KCNQ2: variants seen among roughly 807,000 people sequenced by gnomAD.
The protein encoded by KCNQ2 is potassium voltage-gated channel subfamily Q member 2.
In KCNQ2, 14 loss-of-function variants were observed where a neutral mutation model predicts 84.8. The observed-to-expected ratio is 0.17, with a 90% CI of 0.11 to 0.26. KCNQ2 has a LOEUF of 0.26. Ranked by LOEUF, KCNQ2 falls within the 10% of genes least tolerant of loss-of-function variation. The pLI, the probability that KCNQ2 is intolerant of heterozygous loss-of-function variation, is 1.00. For synonymous variants in KCNQ2, 599 were observed against 554.1 expected, an observed-to-expected ratio of 1.08 and a Z score of -1.14; for missense variants, 788 against 1,254.0, an observed-to-expected ratio of 0.63 and a Z score of 5.61.
At chr20:63,424,480 C>A in intron 10 of KCNQ2, 1 of 546,148 alleles carries the variant, frequency 1.8e-6, no homozygotes, top group Admixed American at 3.2e-5. Flanking sequence ...GTCTCTACCC[C>A]TCCACATTTA....
rs1227313850 is a variant in KCNQ2 at position 63,460,520 on chromosome 20, G to A, written c.296+11648C>T. Among the ~76,000 whole-genome samples the A allele has an allele frequency of 2.0e-5, 3 of 147,544 alleles. No individual in the cohort carries two copies. The highest frequency in any genetic ancestry group is 3.0e-5 in the Non-Finnish European group (2 of 67,358). On this transcript the variant is annotated intron_variant, in intron 1 of 16. Transcript: ENST00000359125. This position sits in a 1 kb window ranked among gnomAD's most constrained non-coding sequence, Gnocchi z 5.4. The stretch of plus-strand genomic sequence containing the variant: ...AGGCCAGTGCCCTCAGCTGGTCCAC[G>A]GCTCACAGCTCCAGTCCCTGGCCCC...
Position 63,438,904 on chromosome 20 carries a change from A to G in KCNQ2, c.928-184T>C, listed in dbSNP as rs2081081358. 6.8e-6 allele frequency among the ~76,000 whole-genome samples: 1 copy of G among 146,446 alleles called. No homozygotes were observed. Among genetic ancestry groups the G allele is most frequent in the African/African-American group, 2.5e-5 (1 of 39,252 alleles). ...CGCCCCAGGGACTCACACACCCCCC[A>G]GTTCATCAGGGTCAGACCCGTCTCC... On this transcript the variant is annotated intron_variant, in intron 6 of 16. Coordinates refer to ENST00000359125, the MANE Select transcript of KCNQ2 (RefSeq NM_172107.4). The surrounding 1 kb of genome is among the most constrained non-coding windows in gnomAD (Gnocchi z 5.1).
Position 63,414,034 on chromosome 20 carries a change from G to C in KCNQ2, c.1631+54C>G. 7.5e-7 allele frequency: 1 copy of C among 1,338,036 alleles called. No individual in the cohort carries two copies. 82.9% of individuals were successfully genotyped at this position (1,338,036 alleles called of 1,614,324 possible). A position where few individuals can be genotyped will look rare whatever the true frequency, so the allele number is the denominator to read the frequency against. On this transcript the variant is annotated intron_variant, in intron 14 of 16. Coordinates refer to ENST00000359125, the MANE Select transcript of KCNQ2 (RefSeq NM_172107.4). This position sits in a 1 kb window ranked among gnomAD's most constrained non-coding sequence, Gnocchi z 6.6. Reference sequence around the variant, plus strand: ...AGCACCGGCAGCAGGCAGGACCACCGAGCGGGAGGCCCCTCCTCACTCCCC... The same window carrying C: ...AGCACCGGCAGCAGGCAGGACCACCCAGCGGGAGGCCCCTCCTCACTCCCC...
intron 10 of KCNQ2, among the ~76,000 whole-genome samples, chr20:63,426,054 G>A (rs763446592): frequency 2.0e-5 from 3 of 152,328 alleles, no homozygotes; most frequent in Middle Eastern, 3.4e-3. Context: ...CCTCGGGATC[G>A]TTCCCCGTTT....
chr20:63,442,260 G>T, intron 5 of KCNQ2, 146 bp downstream of exon 5: 1 of 583,396 alleles, frequency 1.7e-6, no homozygotes, highest in Non-Finnish European at 2.5e-6. Flanking sequence ...ACCCCGCCTC[G>T]ACCACAAGCC....
At chr20:63,429,339 C>T (rs1004159485) in intron 9 of KCNQ2, among the ~76,000 whole-genome samples, 3 of 151,774 alleles carry the variant, frequency 2.0e-5, no homozygotes, top group Non-Finnish European at 2.9e-5. Flanking sequence ...CAGGCCCTGC[C>T]ATCCCATCCA....
intron 7 of KCNQ2, chr20:63,437,251 C>T (rs2081035899): frequency 6.6e-6 from 1 of 152,186 alleles, no homozygotes; most frequent in South Asian, 2.1e-4. Flanking sequence ...GAGTGACCTT[C>T]GAGGGAAGCA....
Position 63,410,953 on chromosome 20 carries a change from G to A in KCNQ2, c.1764-2417C>T, listed in dbSNP as rs1023706361. On this transcript the variant is annotated intron_variant, in intron 15 of 16. Coordinates refer to ENST00000359125, the MANE Select transcript of KCNQ2 (RefSeq NM_172107.4). Reference sequence around the variant, plus strand: ...ACTTGCCAGAAGACAGGGAACCACCGTCATCTGAATAGTCCCTGGGAGGCA... The same window carrying A: ...ACTTGCCAGAAGACAGGGAACCACCATCATCTGAATAGTCCCTGGGAGGCA... 3.3e-5 allele frequency: 15 copies of A among 451,292 alleles called. 1 individual carries two copies. The highest frequency in any genetic ancestry group is 9.6e-5 in the Admixed American group (4 of 41,520). The allele number at this position is 451,292 out of a possible 1,614,324, so 28.0% of individuals were successfully genotyped here.
Position 63,408,371 on chromosome 20 carries a change from C to G in KCNQ2, c.1887+42G>C, listed in dbSNP as rs774795360. Reference sequence around the variant, plus strand: ...TGCCACAGGTTGACGGCAGGCACCACAGCCCTCCAGCCCCGCACCCCTCCC... The same window carrying G: ...TGCCACAGGTTGACGGCAGGCACCAGAGCCCTCCAGCCCCGCACCCCTCCC... On this transcript the variant is annotated intron_variant, in intron 16 of 16. Transcript: ENST00000359125. The surrounding 1 kb of genome is among the most constrained non-coding windows in gnomAD (Gnocchi z 5.0). 2.8e-5 allele frequency: 45 copies of G among 1,599,768 alleles called. No individual in the cohort carries two copies. Among genetic ancestry groups the G allele is most frequent in the Non-Finnish European group, 3.6e-5 (43 of 1,178,214 alleles).
At chr20:63,411,882 C>A (rs767205923) in intron 15 of KCNQ2, 2 of 713,870 alleles carry the variant, frequency 2.8e-6, no homozygotes, top group South Asian at 3.0e-5. Context: ...TCATATCTAT[C>A]CTGGCAGAGT....
In KCNQ2 at chr20:63,446,926, C is replaced by A; in HGVS notation, c.297-89G>T. ...CAGAACTCAGGACCCCACTCCCCAC[C>A]AGGCCGCAGCAGGGCACCAGCATGG... On this transcript the variant is annotated intron_variant, in intron 1 of 16. Coordinates refer to ENST00000359125, the MANE Select transcript of KCNQ2 (RefSeq NM_172107.4). This position sits in a 1 kb window ranked among gnomAD's most constrained non-coding sequence, Gnocchi z 5.5. The A allele has an allele frequency of 2.7e-6, 3 of 1,110,916 alleles. No homozygotes were observed. Among genetic ancestry groups the A allele is most frequent in the Non-Finnish European group, 4.1e-6 (3 of 723,948 alleles). 68.8% of individuals were successfully genotyped at this position (1,110,916 alleles called of 1,614,324 possible). A position where few individuals can be genotyped will look rare whatever the true frequency, so the allele number is the denominator to read the frequency against.
At position 63,406,517 on chromosome 20, in the gene KCNQ2, C is replaced by A; in HGVS notation, c.*127G>T. On this transcript the variant is annotated 3_prime_UTR_variant, in exon 17 of 17. Coordinates refer to ENST00000359125, the MANE Select transcript of KCNQ2 (RefSeq NM_172107.4). ...CATCCTTCAGCCCACATGGGCCCCT[C>A]CAGGGCCCACCCTTCCCGCCACACT... is the stretch of plus-strand genomic sequence containing the variant. The A allele has an allele frequency of 1.7e-6, 2 of 1,193,154 alleles. No homozygotes were observed. Among genetic ancestry groups the A allele is most frequent in the South Asian group, 1.6e-5 (1 of 62,432 alleles). 73.9% of individuals were successfully genotyped at this position (1,193,154 alleles called of 1,614,324 possible).
Position 63,406,592 on chromosome 20 carries a change from G to A in KCNQ2, c.*52C>T, listed in dbSNP as rs888528655. On this transcript the variant is annotated 3_prime_UTR_variant, in exon 17 of 17. Transcript: ENST00000359125. Reference sequence around the variant, plus strand: ...AGAGGGTTCCCGCCTCAAAACCTCGGAGGCACCGTGCTGAGGAGGGCCGCG... The same window carrying A: ...AGAGGGTTCCCGCCTCAAAACCTCGAAGGCACCGTGCTGAGGAGGGCCGCG... 2.0e-6 allele frequency: 3 copies of A among 1,529,860 alleles called. No individual in the cohort carries two copies. Among genetic ancestry groups the A allele is most frequent in the South Asian group, 1.2e-5 (1 of 81,232 alleles). 94.8% of individuals were successfully genotyped at this position (1,529,860 alleles called of 1,614,324 possible).
intron 1 of KCNQ2, among the ~76,000 whole-genome samples, chr20:63,462,074 C>T (rs1251343492): frequency 7.6e-6 from 1 of 131,036 alleles, no homozygotes. Flanking sequence ...GAGGCTGCAC[C>T]CACCCCAGGG....
intron 6 of KCNQ2, among the ~76,000 whole-genome samples, 173 bp downstream of exon 6, chr20:63,439,425 A>G: frequency 6.6e-6 from 1 of 152,158 alleles, no homozygotes; most frequent in East Asian, 1.9e-4. Flanking sequence ...TCCTTGGGGA[A>G]CAAGGCCTCT....
chr20:63,463,048 G>A (rs887713887), intron 1 of KCNQ2, among the ~76,000 whole-genome samples: 3 of 135,274 alleles, frequency 2.2e-5, no homozygotes, highest in African/African-American at 8.5e-5. Flanking sequence ...TTCCGTGGGT[G>A]TCTTTTCTGT....
At chr20:63,465,388 C>T (rs34199109) in intron 1 of KCNQ2, among the ~76,000 whole-genome samples, 59,404 of 152,094 alleles carry the variant, frequency 0.39, 12,112 homozygotes, top group Non-Finnish European at 0.45. Flanking sequence ...TTGTGCTGGC[C>T]GCCTCCCTCA....
At chr20:63,432,378 T>TGGGAAGGCCCCACCCACA (rs2080838640) in intron 8 of KCNQ2, among the ~76,000 whole-genome samples, 1 of 32,116 alleles carries the variant, frequency 3.1e-5, no homozygotes, top group South Asian at 9.0e-4. Flanking sequence ...CTCCACCCTC[T>TGGGAAGGCCCCACCCACA]GGGAAGGCCC....
At chr20:63,427,960 G>A (rs774906336) in intron 10 of KCNQ2, among the ~76,000 whole-genome samples, 6 of 152,194 alleles carry the variant, frequency 3.9e-5, no homozygotes, top group East Asian at 1.9e-4. Flanking sequence ...CTCGACAGCC[G>A]GCACTCTGAC....
Sources: allele counts gnomAD v4.1 joint callset (sites outside exome capture counted in the v4.1 genomes callset), GRCh38; gene constraint gnomAD v4.1.1; non-coding constraint Gnocchi (gnomAD v3.1); transcripts MANE v1.5; gene names NCBI Gene and HGNC (gene_info 2026-07-23, HGNC 2026-07-21).